AKAP9: variants seen among roughly 807,000 people sequenced by gnomAD.
AKAP9 encodes A-kinase anchoring protein 9, also known as A-kinase anchor protein 9.
Under a neutral mutation model 488.5 loss-of-function variants are expected in AKAP9, and 311 were observed. That is an observed-to-expected ratio of 0.64 (90% CI 0.58 to 0.70). The LOEUF (loss-of-function observed/expected upper bound fraction) is 0.70. Among genes scored for constraint, AKAP9 ranks in the 30% least tolerant of loss-of-function variants. AKAP9 has a pLI of 0.00. For synonymous variants in AKAP9, 1,462 were observed against 1,483.5 expected, an observed-to-expected ratio of 0.99 and a Z score of 0.33; for missense variants, 4,215 against 4,374.5, an observed-to-expected ratio of 0.96 and a Z score of 1.03.
intron 1 of AKAP9, among the ~76,000 whole-genome samples, chr7:91,959,411 G>T (rs921391005): frequency 7.9e-5 from 12 of 151,576 alleles, no homozygotes; most frequent in African/African-American, 2.9e-4. Context: ...TTCCACCTCA[G>T]CCTTTCAACT....
At chr7:92,078,300 A>G (rs1486202759) in intron 30 of AKAP9, among the ~76,000 whole-genome samples, 2 of 118,494 alleles carry the variant, frequency 1.7e-5, no homozygotes, top group African/African-American at 3.6e-5. Flanking sequence ...GCCTGGCCCA[A>G]TTCTCTTTTA....
intron 22 of AKAP9, among the ~76,000 whole-genome samples, chr7:92,060,163 A>G (rs1237977648): frequency 6.6e-6 from 1 of 152,048 alleles, no homozygotes; most frequent in African/African-American, 2.4e-5. Flanking sequence ...GTCTTTAACA[A>G]TAAAGTATCC....
intron 2 of AKAP9, among the ~76,000 whole-genome samples, chr7:91,974,933 C>T (rs1795475572): frequency 6.6e-6 from 1 of 151,818 alleles, no homozygotes; most frequent in Admixed American, 6.6e-5. Context: ...TCACTGCAAC[C>T]TCTGTCACCC....
intron 1 of AKAP9, 89 bp downstream of exon 1, chr7:91,941,236 G>A (rs1271530846): frequency 2.3e-6 from 3 of 1,328,168 alleles, no homozygotes; most frequent in Non-Finnish European, 3.2e-6. Context: ...GTTCGCCGCA[G>A]CCCCAGTGCA....
intron 1 of AKAP9, among the ~76,000 whole-genome samples, chr7:91,943,303 A>G (rs907116932): frequency 1.3e-5 from 2 of 152,232 alleles, no homozygotes; most frequent in Admixed American, 6.5e-5. Context: ...TTTTAAAGCC[A>G]TTAAGATTAT....
intron 21 of AKAP9, among the ~76,000 whole-genome samples, chr7:92,047,761 AT>A (rs1236496990): frequency 6.6e-6 from 1 of 152,256 alleles, no homozygotes; most frequent in African/African-American, 2.4e-5. Context: ...AAAGAATAAT[AT>A]TGAGATAAGA....
At chr7:92,084,783 T>C (rs771646467) in intron 34 of AKAP9, 36 bp from the exon 35 acceptor site, 5 of 1,609,786 alleles carry the variant, frequency 3.1e-6, no homozygotes, top group Non-Finnish European at 4.2e-6. Context: ...GTTTGATTTT[T>C]TTTTTTTTAA....
At chr7:91,984,425 AG>A (rs894519893) in intron 3 of AKAP9, among the ~76,000 whole-genome samples, 1 of 152,210 alleles carries the variant, frequency 6.6e-6, no homozygotes, top group African/African-American at 2.4e-5. Flanking sequence ...GGTTTGTCAA[AG>A]ATCAAATGGT....
rs761070359 is a variant in AKAP9, at chr7:92,097,786, C to T, written c.10599C>T (p.Ala3533=). Residue 3533 remains alanine, a synonymous_variant, in exon 42 of 50, where the codon GCC becomes GCT. Coordinates refer to ENST00000356239, the MANE Select transcript of AKAP9 (RefSeq NM_005751.5). ...ASKLQVLPQK[A]SERLQFETAD... ...AACTACAGGTTCTACCCCAGAAAGC[C>T]TCTGAGAGGTTAGACTTTTCTGCCT... The T allele has an allele frequency of 6.2e-7, 1 of 1,614,022 alleles. No homozygotes were observed. Among genetic ancestry groups the T allele is most frequent in the Non-Finnish European group, 8.5e-7 (1 of 1,179,976 alleles).
At chr7:91,977,863 T>A (rs982196770) in intron 2 of AKAP9, among the ~76,000 whole-genome samples, 2 of 152,226 alleles carry the variant, frequency 1.3e-5, no homozygotes, top group African/African-American at 4.8e-5. Context: ...TTATTCACCA[T>A]TTAATTCTCA....
chr7:92,030,797 C>T (rs1197948190), intron 15 of AKAP9, among the ~76,000 whole-genome samples: 6 of 131,422 alleles, frequency 4.6e-5, no homozygotes, highest in African/African-American at 1.5e-4. Context: ...CCCCCTGCCT[C>T]TGCTCAACAT....
intron 7 of AKAP9, 149 bp downstream of exon 7, chr7:91,995,949 T>C (rs995585449): frequency 9.2e-6 from 6 of 651,852 alleles, no homozygotes; most frequent in Non-Finnish European, 1.6e-5. Flanking sequence ...CAAATGGGAA[T>C]CTCAGTAATG....
intron 21 of AKAP9, among the ~76,000 whole-genome samples, chr7:92,047,277 C>T (rs1041991565): frequency 6.6e-6 from 1 of 152,006 alleles, no homozygotes; most frequent in East Asian, 1.9e-4. Flanking sequence ...AGAGCAGTGG[C>T]GCAATCTCTG....
At chr7:92,060,430 A>G (rs1012247608) in intron 22 of AKAP9, among the ~76,000 whole-genome samples, 19 of 152,166 alleles carry the variant, frequency 1.2e-4, no homozygotes, top group Non-Finnish European at 2.4e-4. Flanking sequence ...TTGTTTCAGT[A>G]ATAACAGATA....
intron 8 of AKAP9, 93 bp downstream of exon 8, chr7:92,003,328 C>A: frequency 2.1e-6 from 2 of 950,852 alleles, no homozygotes; most frequent in Non-Finnish European, 3.2e-6. Flanking sequence ...AGTTCATATC[C>A]TTACAAGAGA....
rs751924200 is a variant in AKAP9 at position 92,097,278 on chromosome 7, T to C, written c.10319T>C (p.Met3440Thr). Residue 3440 changes from methionine to threonine, a missense_variant, in exon 41 of 50, where the codon ATG (methionine) becomes ACG (threonine). Met to Thr is a moderately conservative substitution (Grantham distance 81, BLOSUM62 -1). This residue lies in a region of AKAP9 where 1,476 missense variants were observed against 1,477.4 expected (regional missense o/e 1.00). Transcript: ENST00000356239. ...DLEGQRLQGIMQEFQKQELER... is the reference protein window; with the variant it reads ...DLEGQRLQGITQEFQKQELER... ...GAAGGACAGCGACTACAAGGAATCA[T>C]GCAGGAATTCCAGAAGCAAGAACTA... The C allele has an allele frequency of 3.1e-6, 5 of 1,613,870 alleles. No individual in the cohort carries two copies. Among genetic ancestry groups the C allele is most frequent in the African/African-American group, 1.3e-5 (1 of 74,940 alleles).
At chr7:92,075,651 C>T (rs946216668) in intron 28 of AKAP9, among the ~76,000 whole-genome samples, 7 of 152,222 alleles carry the variant, frequency 4.6e-5, no homozygotes, top group Non-Finnish European at 1.0e-4. Context: ...TGACGTCCAT[C>T]CTCATCTCTA....
In AKAP9 at chr7:92,095,233, AG is replaced by A; in HGVS notation, c.9729+62del. 3 of 1,589,714 alleles carry A rather than the reference AG, an allele frequency of 1.9e-6. No homozygotes were observed. The South Asian group carries it at 3.3e-5, about 18-fold the overall frequency. ...TCCAGAATGATAGAAGAGGGTCTTAAGGCTTTCCTCCATCTAAAATGTCAAC... is the reference window on the plus strand; with the variant it reads ...TCCAGAATGATAGAAGAGGGTCTTAAGCTTTCCTCCATCTAAAATGTCAAC... On this transcript the variant is annotated intron_variant, in intron 40 of 49. Coordinates refer to ENST00000356239, the MANE Select transcript of AKAP9 (RefSeq NM_005751.5).
intron 48 of AKAP9, among the ~76,000 whole-genome samples, chr7:92,108,144 A>G (rs1267204103): frequency 2.6e-5 from 4 of 152,230 alleles, no homozygotes; most frequent in Admixed American, 2.6e-4. Context: ...AGTGTTATTT[A>G]GTGTATGCTA....
Sources: allele counts gnomAD v4.1 joint callset (sites outside exome capture counted in the v4.1 genomes callset), GRCh38; gene constraint gnomAD v4.1.1; regional missense constraint gnomAD v4.1.1; transcripts MANE v1.5; gene names NCBI Gene and HGNC (gene_info 2026-07-23, HGNC 2026-07-21).